The following GUCY2F variants were observed in gnomAD, a reference collection of about 807,000 sequenced individuals.
GUCY2F encodes retinal guanylyl cyclase 2.
GUCY2F carries 61 observed loss-of-function variants against 73.1 expected under a neutral mutation model. That is an observed-to-expected ratio of 0.83 (90% CI 0.68 to 1.03). The LOEUF (loss-of-function observed/expected upper bound fraction) is 1.03, where lower values mean the gene tolerates loss of function less well. GUCY2F is among the 50% of genes least tolerant of loss of function. The pLI is 0.00. For synonymous variants in GUCY2F, 331 were observed against 307.8 expected, an observed-to-expected ratio of 1.08 and a Z score of -0.79; for missense variants, 912 against 854.3, an observed-to-expected ratio of 1.07 and a Z score of -0.84.
At chrX:109,453,077 G>GA in intron 4 of GUCY2F, among the ~76,000 whole-genome samples, 1 of 111,955 alleles carries the variant, frequency 8.9e-6, no homozygotes, top group Non-Finnish European at 1.9e-5. Flanking sequence ...GGAGTTCAGA[G>GA]AGGAGAGAGT....
intron 10 of GUCY2F, among the ~76,000 whole-genome samples, chrX:109,403,997 T>C (rs1930913468): frequency 8.9e-6 from 1 of 112,307 alleles, no homozygotes; most frequent in Admixed American, 9.4e-5. Context: ...CAAATTACTC[T>C]CCATTCAACT....
intron 6 of GUCY2F, among the ~76,000 whole-genome samples, chrX:109,443,436 T>C (rs770125154): frequency 2.0e-4 from 22 of 111,579 alleles, no homozygotes; most frequent in South Asian, 1.5e-3. Flanking sequence ...TGGTAAAAAG[T>C]GATGACTTTT....
intron 8 of GUCY2F, among the ~76,000 whole-genome samples, chrX:109,428,420 C>T (rs754944737): frequency 8.9e-6 from 1 of 111,875 alleles, no homozygotes; most frequent in Non-Finnish European, 1.9e-5. Context: ...TTGAGGAACA[C>T]AGGCAAACTA....
rs1488975732 is a variant in GUCY2F at position 109,376,279 on chromosome X, C to T, written c.3151-112G>A. The stretch of plus-strand genomic sequence containing the variant: ...CCTCACCACTCCCTGGAGTCTTCCT[C>T]CCTACGGGGCTGAGCCAGAGCAGCC... On this transcript the variant is annotated intron_variant, in intron 17 of 19. Coordinates refer to ENST00000218006, the MANE Select transcript of GUCY2F (RefSeq NM_001522.3). 6 of 508,197 alleles carry T rather than the reference C, an allele frequency of 1.2e-5. No individual in the cohort carries two copies. The East Asian group carries it at 2.1e-4, about 18-fold the overall frequency. The allele number at this position is 508,197 out of a possible 1,213,427, so 41.9% of individuals were successfully genotyped here.
intron 1 of GUCY2F, 24 bp from the exon 2 acceptor site, chrX:109,476,045 G>GT (rs1932688420): frequency 3.2e-6 from 2 of 621,319 alleles, no homozygotes; most frequent in Non-Finnish European, 4.6e-6. Flanking sequence ...GAAAAGGTTT[G>GT]TTACTCACAT....
chrX:109,469,773 C>T, intron 2 of GUCY2F, among the ~76,000 whole-genome samples: 1 of 111,392 alleles, frequency 9.0e-6, no homozygotes, highest in Non-Finnish European at 1.9e-5. Context: ...TTTTCTCCCA[C>T]CCAGCCTAAT....
chrX:109,387,826 C>T (rs965729753), intron 15 of GUCY2F, among the ~76,000 whole-genome samples: 2 of 111,545 alleles, frequency 1.8e-5, no homozygotes, highest in Non-Finnish European at 3.8e-5. Context: ...AAGCAGCATT[C>T]ACAGAGTGAG....
chrX:109,397,382 T>C (rs1359108692), intron 11 of GUCY2F, among the ~76,000 whole-genome samples: 2 of 111,778 alleles, frequency 1.8e-5, no homozygotes, highest in Non-Finnish European at 3.8e-5. Flanking sequence ...AGGAATAATG[T>C]GGAACCCTGA....
intron 14 of GUCY2F, among the ~76,000 whole-genome samples, chrX:109,389,936 A>T (rs1465520962): frequency 9.0e-6 from 1 of 111,720 alleles, no homozygotes; most frequent in Non-Finnish European, 1.9e-5. Flanking sequence ...CTGCCTCAAC[A>T]TGTTTCCATC....
At chrX:109,446,716 A>C (rs1253288645) in intron 6 of GUCY2F, among the ~76,000 whole-genome samples, 2 of 111,894 alleles carry the variant, frequency 1.8e-5, no homozygotes, top group Non-Finnish European at 3.8e-5. Flanking sequence ...TAGGCATGGG[A>C]AAGGACTTCA....
chrX:109,463,932 T>C (rs781407522), intron 3 of GUCY2F, among the ~76,000 whole-genome samples: 37 of 112,293 alleles, frequency 3.3e-4, no homozygotes, highest in South Asian at 7.4e-4. Flanking sequence ...GATGACATCA[T>C]TGACTGCTGA....
chrX:109,392,028 G>T lies in GUCY2F; in HGVS notation c.2664C>A (p.Ser888Arg), dbSNP rs149933538. The change falls in exon 14 of 20, where the codon AGC becomes AGA. Residue 888 changes from serine to arginine, a missense_variant. By Grantham distance (110) the Ser-to-Arg change is moderately radical. Coordinates refer to ENST00000218006, the MANE Select transcript of GUCY2F (RefSeq NM_001522.3). ...AAATGGTTGTGAAGCCCACAATGTC[G>T]CTGAAGTACAAGGTGACCAAGTCAA... ...EGFDLVTLYF[S>R]DIVGFTTISA... 1 of 1,208,096 alleles carries T rather than the reference G, an allele frequency of 8.3e-7. No individual in the cohort carries two copies. Among genetic ancestry groups the T allele is most frequent in the African/African-American group, 1.7e-5 (1 of 57,596 alleles).
chrX:109,414,818 A>G (rs1931203456), intron 8 of GUCY2F, among the ~76,000 whole-genome samples: 1 of 111,946 alleles, frequency 8.9e-6, no homozygotes, highest in Non-Finnish European at 1.9e-5. Flanking sequence ...GTAATAGAAC[A>G]GGTAAAGGCT....
chrX:109,391,915 T>C lies in GUCY2F; in HGVS notation c.2777A>G (p.Tyr926Cys). ...FDAIIGSHDV[Y>C]KVETIGDAYM... ...TTTTCCTGCTAATTAACCTACCTTGTAGACATCATGACTGCCAATTATTGC... is the reference window on the plus strand; with the variant it reads ...TTTTCCTGCTAATTAACCTACCTTGCAGACATCATGACTGCCAATTATTGC... The change falls in exon 14 of 20, where the codon TAC (tyrosine) becomes TGC (cysteine). Residue 926 changes from tyrosine (Y) to cysteine (C), a missense_variant. Physicochemically the swap from Tyr to Cys is radical, Grantham distance 194 (BLOSUM62 -2). Coordinates refer to ENST00000218006, the MANE Select transcript of GUCY2F (RefSeq NM_001522.3). 1 of 1,185,307 alleles carries C rather than the reference T, an allele frequency of 8.4e-7. No homozygotes were observed. Among genetic ancestry groups the C allele is most frequent in the South Asian group, 1.9e-5 (1 of 52,956 alleles).
chrX:109,399,959 T>C (rs1603380127), intron 10 of GUCY2F, among the ~76,000 whole-genome samples: 2 of 81,247 alleles, frequency 2.5e-5, no homozygotes, highest in South Asian at 6.1e-4. Context: ...GTGGGGTTGA[T>C]GAAGTGGGGG....
At chrX:109,424,826 G>A (rs759310608) in intron 8 of GUCY2F, among the ~76,000 whole-genome samples, 1 of 109,546 alleles carries the variant, frequency 9.1e-6, no homozygotes, top group South Asian at 4.1e-4. Flanking sequence ...GAGTTCAATG[G>A]CATGATTTTG....
At chrX:109,441,776 C>T (rs1931875352) in intron 6 of GUCY2F, among the ~76,000 whole-genome samples, 1 of 109,299 alleles carries the variant, frequency 9.1e-6, no homozygotes, top group African/African-American at 3.3e-5. Context: ...AATCTGGGAC[C>T]CTCACTTTAT....
chrX:109,392,864 T>G, intron 13 of GUCY2F, 28 bp downstream of exon 13: 1 of 1,002,460 alleles, frequency 1.0e-6, no homozygotes, highest in Non-Finnish European at 1.4e-6. Context: ...GTTATAAGGA[T>G]TCACACTCCT....
chrX:109,411,313 T>C (rs899001725), intron 8 of GUCY2F, among the ~76,000 whole-genome samples: 4 of 106,988 alleles, frequency 3.7e-5, no homozygotes, highest in Non-Finnish European at 7.7e-5. Context: ...CCACCTTACC[T>C]GAGAGGTTAG....
Sources: gnomAD v4.1 joint callset for allele counts (sites outside exome capture counted in the v4.1 genomes callset) on GRCh38, gnomAD v4.1.1 for gene constraint, MANE v1.5 for transcripts, NCBI Gene and HGNC (gene_info 2026-07-23, HGNC 2026-07-21) for gene names.